ANOS1: variants seen among roughly 807,000 people sequenced by gnomAD.
ANOS1 encodes the protein anosmin 1.
A neutral mutation model predicts 59.0 loss-of-function variants in ANOS1; 6 were observed. The ratio of observed to expected loss-of-function variants is 0.10; its 90% confidence interval spans 0.06 to 0.20. ANOS1 has a LOEUF of 0.20. ANOS1 is among the 10% of genes least tolerant of loss of function. ANOS1 has a pLI of 1.00. For synonymous variants in ANOS1, 217 were observed against 223.4 expected (o/e 0.97, Z 0.25); for missense variants, 433 against 542.3 (o/e 0.80, Z 2.00).
chrX:8,674,211 C>T (rs184843843), intron 2 of ANOS1, among the ~76,000 whole-genome samples: 10 of 111,823 alleles, frequency 8.9e-5, no homozygotes, highest in African/African-American at 1.6e-4. Flanking sequence ...AAAGATAAGA[C>T]GCAGAATCAA....
chrX:8,697,344 C>T (rs1343366902), intron 2 of ANOS1, among the ~76,000 whole-genome samples: 1 of 112,018 alleles, frequency 8.9e-6, no homozygotes, highest in Non-Finnish European at 1.9e-5. Context: ...GGATTTTAGT[C>T]TGAGTGAGAC....
Position 8,558,737 on chromosome X carries a change from CAGCT to C in ANOS1, c.1208-4643_1208-4640del, listed in dbSNP as rs1249481557. 5.4e-5 allele frequency among the ~76,000 whole-genome samples: 6 copies of C among 111,596 alleles called. No individual in the cohort carries two copies. The East Asian group carries it at 1.7e-3, about 31-fold the overall frequency. The stretch of plus-strand genomic sequence containing the variant: ...CAGGGCTCTAAACGGAAATACGGTT[CAGCT>C]TTGTCAAATAAATAGTAAGGAGCAA... On this transcript the variant is annotated intron_variant, in intron 8 of 13. Coordinates refer to ENST00000262648, the MANE Select transcript of ANOS1 (RefSeq NM_000216.4).
intron 2 of ANOS1, among the ~76,000 whole-genome samples, chrX:8,624,698 C>T (rs957746069): frequency 2.7e-5 from 3 of 110,732 alleles, no homozygotes; most frequent in African/African-American, 6.6e-5. Flanking sequence ...TGTTCAAGAA[C>T]GTTTGTAATA....
At chrX:8,703,677 T>G (rs1932767613) in intron 1 of ANOS1, among the ~76,000 whole-genome samples, 1 of 111,014 alleles carries the variant, frequency 9.0e-6, no homozygotes, top group Non-Finnish European at 1.9e-5. Context: ...AAAGGAGAGA[T>G]GAAGATTGGT....
chrX:8,705,654 T>C (rs1319390021), intron 1 of ANOS1, among the ~76,000 whole-genome samples: 1 of 111,782 alleles, frequency 8.9e-6, no homozygotes, highest in Non-Finnish European at 1.9e-5. Flanking sequence ...AGAAGAGCAA[T>C]AAAAAAATAC....
intron 3 of ANOS1, among the ~76,000 whole-genome samples, chrX:8,610,342 G>A (rs1342938900): frequency 8.9e-6 from 1 of 111,937 alleles, no homozygotes; most frequent in Non-Finnish European, 1.9e-5. Context: ...GGACACAAAT[G>A]AGATGAGCTA....
intron 3 of ANOS1, among the ~76,000 whole-genome samples, chrX:8,612,311 G>C (rs1048206586): frequency 1.3e-4 from 14 of 111,371 alleles, no homozygotes; most frequent in East Asian, 8.4e-4. Context: ...ATAAAAACAT[G>C]CTATAACACA....
chrX:8,619,513 A>T (rs1169146973), intron 3 of ANOS1, among the ~76,000 whole-genome samples: 1 of 111,571 alleles, frequency 9.0e-6, no homozygotes, highest in Non-Finnish European at 1.9e-5. Flanking sequence ...CTGAGGCAGG[A>T]GAATTGCTGG....
At chrX:8,619,114 A>G (rs111635430) in intron 3 of ANOS1, among the ~76,000 whole-genome samples, 947 of 93,968 alleles carry the variant, frequency 0.01, 9 homozygotes, top group African/African-American at 0.031. Context: ...AAGAAAAGAA[A>G]AGAACAGTGA....
rs1469794497 is a variant in ANOS1, at chrX:8,554,121, A to C, written c.1208-23T>G. ...CTTCTACAACAAAGTACAACATTCT[A>C]AGTTACTTGTTAAAAGTAATTATAG... On this transcript the variant is annotated intron_variant, in intron 8 of 13. Coordinates refer to ENST00000262648, the MANE Select transcript of ANOS1 (RefSeq NM_000216.4). 8 of 1,171,060 alleles carry C rather than the reference A, an allele frequency of 6.8e-6. No individual in the cohort carries two copies. In the South Asian group the frequency reaches 1.4e-4, roughly 21 times the overall value.
intron 2 of ANOS1, among the ~76,000 whole-genome samples, chrX:8,696,909 T>C: frequency 8.9e-6 from 1 of 112,641 alleles, no homozygotes; most frequent in South Asian, 3.7e-4. Context: ...GGCACTCTTC[T>C]ATATTCTCTA....
intron 9 of ANOS1, among the ~76,000 whole-genome samples, chrX:8,551,847 C>T (rs765277213): frequency 8.9e-6 from 1 of 112,060 alleles, no homozygotes; most frequent in South Asian, 3.7e-4. Context: ...GTGGCACACG[C>T]CTATAATCCC....
intron 2 of ANOS1, among the ~76,000 whole-genome samples, chrX:8,679,187 G>A (rs969191001): frequency 9.0e-6 from 1 of 111,405 alleles, no homozygotes; most frequent in Non-Finnish European, 1.9e-5. Flanking sequence ...AAGAGACTGA[G>A]GATGATACCA....
chrX:8,611,221 G>C (rs1419400803), intron 3 of ANOS1, among the ~76,000 whole-genome samples: 1 of 105,909 alleles, frequency 9.4e-6, no homozygotes, highest in Non-Finnish European at 1.9e-5. Flanking sequence ...TAGAAGATAA[G>C]ATTACTTAAA....
At chrX:8,714,561 C>T (rs1932831189) in intron 1 of ANOS1, among the ~76,000 whole-genome samples, 1 of 111,079 alleles carries the variant, frequency 9.0e-6, no homozygotes. Flanking sequence ...TTTCCATGTG[C>T]TTCCCTACTG....
At chrX:8,674,604 A>T (rs1932306353) in intron 2 of ANOS1, among the ~76,000 whole-genome samples, 1 of 112,457 alleles carries the variant, frequency 8.9e-6, no homozygotes, top group African/African-American at 3.2e-5. Context: ...GCTTAAAAAA[A>T]ATTGCAAAAA....
intron 3 of ANOS1, among the ~76,000 whole-genome samples, chrX:8,616,319 T>A (rs1220758078): frequency 8.9e-6 from 1 of 111,948 alleles, no homozygotes; most frequent in Non-Finnish European, 1.9e-5. Flanking sequence ...CCCTGTGTTT[T>A]CTCCCAATTT....
At chrX:8,661,338 C>A (rs1932034714) in intron 2 of ANOS1, among the ~76,000 whole-genome samples, 1 of 111,904 alleles carries the variant, frequency 8.9e-6, no homozygotes, top group Non-Finnish European at 1.9e-5. Flanking sequence ...CCTGAGGCCC[C>A]TCTCCTGGGC....
chrX:8,667,694 T>C (rs1389641127), intron 2 of ANOS1, among the ~76,000 whole-genome samples: 1 of 110,980 alleles, frequency 9.0e-6, no homozygotes, highest in Admixed American at 9.6e-5. Context: ...ATCAGCCGTA[T>C]GGGGGTTGCT....
Sources: allele counts gnomAD v4.1 joint callset (sites outside exome capture counted in the v4.1 genomes callset), GRCh38; gene constraint gnomAD v4.1.1; transcripts MANE v1.5; gene names NCBI Gene and HGNC (gene_info 2026-07-23, HGNC 2026-07-21).